Variants in POLDIP2 observed in about 807,000 individuals in gnomAD.
POLDIP2 encodes the protein DNA polymerase delta interacting protein 2.
In POLDIP2, 32 loss-of-function variants were observed where a neutral mutation model predicts 52.9. The observed-to-expected ratio is 0.61, with a 90% CI of 0.46 to 0.81. The LOEUF (loss-of-function observed/expected upper bound fraction) is 0.81. Ranked by LOEUF, POLDIP2 falls within the 40% of genes least tolerant of loss-of-function variation. POLDIP2 has a pLI of 0.00. For missense variants in POLDIP2, 371 were observed against 477.3 expected (o/e 0.78, Z 2.07); for synonymous variants, 183 against 183.0 (o/e 1.00, Z 0.00).
chr17:28,347,973 A>T lies in POLDIP2; in HGVS notation c.*144T>A, dbSNP rs1458780728. 26 of 616,526 alleles carry T rather than the reference A, an allele frequency of 4.2e-5. No homozygotes were observed. The African/African-American group carries it at 4.8e-4, about 11-fold the overall frequency. The allele number at this position is 616,526 out of a possible 1,614,324, so 38.2% of individuals were successfully genotyped here. Reference sequence around the variant, plus strand: ...GGGTCTTCTGAAGAAAAGTTATACCACCCCTCCCCACAAAAAGAACCCCAC... The same window carrying T: ...GGGTCTTCTGAAGAAAAGTTATACCTCCCCTCCCCACAAAAAGAACCCCAC... On this transcript the variant is annotated 3_prime_UTR_variant, in exon 11 of 11. Transcript: ENST00000540200.
intron 2 of POLDIP2, 109 bp downstream of exon 2, chr17:28,355,686 A>C (rs1353820178): frequency 7.8e-6 from 4 of 513,192 alleles, no homozygotes; most frequent in African/African-American, 2.0e-5. Context: ...ACCAAACATC[A>C]AGGTGGAATG....
Position 28,353,263 on chromosome 17 carries a change from A to G in POLDIP2, c.492T>C (p.Ser164=). The part of the protein sequence containing the change: ...AVTFLANHDD[S]RALYAIPGLD... ...CACCTGGGATGGCATAGAGGGCCCG[A>G]CTGTCATCATGGTTAGCCAAGAAGG... The change falls in exon 5 of 11, where the codon AGT becomes AGC. Residue 164 remains serine, a synonymous_variant. Transcript: ENST00000540200. 1 of 1,590,138 alleles carries G rather than the reference A, an allele frequency of 6.3e-7. No individual in the cohort carries two copies. Among genetic ancestry groups the G allele is most frequent in the African/African-American group, 1.3e-5 (1 of 74,534 alleles).
At chr17:28,355,476 G>A (rs911122888) in intron 2 of POLDIP2, among the ~76,000 whole-genome samples, 8 of 152,094 alleles carry the variant, frequency 5.3e-5, no homozygotes, top group South Asian at 4.1e-4. Context: ...GTGTGGTGGC[G>A]CATGCTTGTA....
At chr17:28,354,444 C>T (rs1432899753) in intron 3 of POLDIP2, 44 bp downstream of exon 3, 1 of 1,351,308 alleles carries the variant, frequency 7.4e-7, no homozygotes, top group Non-Finnish European at 1.0e-6. Flanking sequence ...TGTCTGCCAT[C>T]TCCTCCTGAG....
At position 28,350,575 on chromosome 17, in the gene POLDIP2, G is replaced by A; in HGVS notation, c.787-12C>T. On this transcript the variant is annotated splice_polypyrimidine_tract_variant and intron_variant, in intron 8 of 10. Coordinates refer to ENST00000540200, the MANE Select transcript of POLDIP2 (RefSeq NM_015584.5). ...ATACAGTAGCGCCACTGAGGTGGGT[G>A]TGGGAGAGAGAGTTTAAAAAAAATA... 1 of 1,604,462 alleles carries A rather than the reference G, an allele frequency of 6.2e-7. No individual in the cohort carries two copies. Among genetic ancestry groups the A allele is most frequent in the African/African-American group, 1.3e-5 (1 of 74,366 alleles).
intron 1 of POLDIP2, 60 bp from the exon 2 acceptor site, chr17:28,355,936 A>T: frequency 7.3e-7 from 1 of 1,370,526 alleles, no homozygotes; most frequent in Non-Finnish European, 1.0e-6. Context: ...GTAGTTATCC[A>T]TAAGAAAAAG....
chr17:28,348,527 A>C (rs2142392395), intron 10 of POLDIP2, among the ~76,000 whole-genome samples: 1 of 152,352 alleles, frequency 6.6e-6, no homozygotes, highest in East Asian at 1.9e-4. Context: ...AGCCTGACCA[A>C]CATGGAGAAA....
At chr17:28,350,875 G>A in intron 7 of POLDIP2, 83 bp from the exon 8 acceptor site, 1 of 1,158,028 alleles carries the variant, frequency 8.6e-7, no homozygotes, top group Non-Finnish European at 1.3e-6. Context: ...TGCAGTTGAT[G>A]TATTCCAGGA....
chr17:28,353,465 T>C (rs1486788717), intron 4 of POLDIP2, 149 bp from the exon 5 acceptor site: 2 of 551,842 alleles, frequency 3.6e-6, no homozygotes, highest in Admixed American at 4.7e-5. Context: ...GAGGTTGCAG[T>C]GAGCTGAGAT....
intron 2 of POLDIP2, among the ~76,000 whole-genome samples, chr17:28,354,916 T>C (rs1380474190): frequency 6.6e-6 from 1 of 152,246 alleles, no homozygotes; most frequent in Non-Finnish European, 1.5e-5. Context: ...ATGTCTACTT[T>C]GCTTTCTGAT....
At chr17:28,356,999 C>T (rs1197570749) in intron 1 of POLDIP2, among the ~76,000 whole-genome samples, 2 of 152,256 alleles carry the variant, frequency 1.3e-5, no homozygotes, top group Non-Finnish European at 2.9e-5. Context: ...AAGCTTCCCT[C>T]TGACATCGGT....
Position 28,348,176 on chromosome 17 carries a change from G to A in POLDIP2, c.1048C>T (p.Pro350Ser), listed in dbSNP as rs1387501735. Residue 350 changes from proline to serine, a missense_variant, in exon 11 of 11, where the codon CCC becomes TCC. Coordinates refer to ENST00000540200, the MANE Select transcript of POLDIP2 (RefSeq NM_015584.5). ...DGSHFDVRIP[P>S]FSLESNKDEK... ...TCTTTATTGCTTTCCAGGGAGAAGGGAGGAATCCGAACATCAAAGTGGGAG... is the reference window on the plus strand; with the variant it reads ...TCTTTATTGCTTTCCAGGGAGAAGGAAGGAATCCGAACATCAAAGTGGGAG... 1.2e-6 allele frequency: 2 copies of A among 1,613,950 alleles called. No homozygotes were observed. Among genetic ancestry groups the A allele is most frequent in the South Asian group, 1.1e-5 (1 of 91,084 alleles).
In POLDIP2 at chr17:28,353,755, C is replaced by T; in HGVS notation, c.378G>A (p.Val126=). The T allele has an allele frequency of 6.2e-7, 1 of 1,613,488 alleles. No individual in the cohort carries two copies. Among genetic ancestry groups the T allele is most frequent in the Non-Finnish European group, 8.5e-7 (1 of 1,179,638 alleles). ...GATAGTAAGTGTGAGTTTTGCCTTT[C>T]ACCTCCTTGGAGCCATGGCCAGCAG... ...ENPAGHGSKE[V]KGKTHTYYQV... The change falls in exon 4 of 11, where the codon GTG becomes GTA. Residue 126 remains valine (V), a synonymous_variant. Coordinates refer to ENST00000540200, the MANE Select transcript of POLDIP2 (RefSeq NM_015584.5).
intron 6 of POLDIP2, among the ~76,000 whole-genome samples, chr17:28,352,237 C>CTTTTTTTTTTTTTTTTTTTTTTTT (rs782311219): frequency 2.3e-5 from 2 of 87,682 alleles, no homozygotes; most frequent in African/African-American, 9.7e-5. Flanking sequence ...GGAATTATTT[C>CTTTTTTTTTTTTTTTTTTTTTTTT]TTTTTTTTTT....
At chr17:28,356,750 C>T (rs1908053908) in intron 1 of POLDIP2, among the ~76,000 whole-genome samples, 1 of 152,166 alleles carries the variant, frequency 6.6e-6, no homozygotes, top group African/African-American at 2.4e-5. Flanking sequence ...GATCCACCAG[C>T]CCATTTGATC....
intron 5 of POLDIP2, 105 bp from the exon 6 acceptor site, chr17:28,353,124 A>G (rs960192347): frequency 2.7e-6 from 2 of 750,104 alleles, no homozygotes; most frequent in East Asian, 2.6e-5. Context: ...GATAACCCTG[A>G]TATCATACCT....
rs1555579430 is a variant in POLDIP2 at position 28,349,068 on chromosome 17, T to A, written c.992+15A>T. On this transcript the variant is annotated intron_variant, in intron 10 of 10. Transcript: ENST00000540200. ...TGGAGCTGGGTGGCCCCTACTGCTG[T>A]GCACACTCACTCACCACATGTGCCC... The A allele has an allele frequency of 6.3e-7, 1 of 1,593,754 alleles. No individual in the cohort carries two copies. The highest frequency in any genetic ancestry group is 1.3e-5 in the African/African-American group (1 of 74,504).
At chr17:28,356,871 G>A (rs1483878141) in intron 1 of POLDIP2, among the ~76,000 whole-genome samples, 1 of 152,090 alleles carries the variant, frequency 6.6e-6, no homozygotes, top group Non-Finnish European at 1.5e-5. Flanking sequence ...GGAAACCTGG[G>A]GCCTACGAGG....
In POLDIP2 at chr17:28,350,770, T is replaced by C. The variant is rs1403582229; in HGVS notation, c.782A>G (p.Tyr261Cys). ...CTCCCAGACAGTGACACTCACCCAG[T>C]ACACGTGGGAATTCTGGGCTTCCTA... Reference protein sequence around the residue: ...GMREAQNSHVYWWRYCIRLEN... With the variant: ...GMREAQNSHVCWWRYCIRLEN... The change falls in exon 8 of 11, where the codon TAC becomes TGC. Residue 261 changes from tyrosine to cysteine, a missense_variant. Physicochemically the swap from Tyr to Cys is radical, Grantham distance 194 (BLOSUM62 -2). Coordinates refer to ENST00000540200, the MANE Select transcript of POLDIP2 (RefSeq NM_015584.5). 5.6e-6 allele frequency: 9 copies of C among 1,596,140 alleles called. No individual in the cohort carries two copies. The highest frequency in any genetic ancestry group is 6.0e-6 in the Non-Finnish European group (7 of 1,171,288).
Sources: allele counts gnomAD v4.1 joint callset (sites outside exome capture counted in the v4.1 genomes callset), GRCh38; gene constraint gnomAD v4.1.1; transcripts MANE v1.5; gene names NCBI Gene and HGNC (gene_info 2026-07-23, HGNC 2026-07-21).